FAM228B: variants seen among roughly 807,000 people sequenced by gnomAD.
FAM228B encodes the protein protein FAM228B.
A neutral mutation model predicts 42.6 loss-of-function variants in FAM228B; 38 were observed. The ratio of observed to expected loss-of-function variants is 0.89; its 90% CI spans 0.69 to 1.17. The LOEUF is 1.17. FAM228B is among the 50% of genes most tolerant of loss of function. FAM228B has a pLI of 0.00. For missense variants in FAM228B, 344 were observed against 367.3 expected (o/e 0.94, Z 0.52); for synonymous variants, 109 against 122.3 (o/e 0.89, Z 0.72).
chr2:24,146,660 C>T (rs1207220524), intron 5 of FAM228B, 88 bp from the exon 6 acceptor site: 1 of 759,690 alleles, frequency 1.3e-6, no homozygotes, highest in Non-Finnish European at 2.1e-6. Flanking sequence ...GGCATAAGAG[C>T]CATCCATATG....
intron 7 of FAM228B, among the ~76,000 whole-genome samples, chr2:24,155,889 T>C (rs1268378564): frequency 6.6e-6 from 1 of 152,150 alleles, no homozygotes; most frequent in Non-Finnish European, 1.5e-5. Flanking sequence ...ATATATCCTA[T>C]AGAGGAACAG....
intron 4 of FAM228B, 71 bp from the exon 5 acceptor site, chr2:24,139,299 C>T (rs958597450): frequency 2.3e-6 from 2 of 855,744 alleles, no homozygotes; most frequent in Non-Finnish European, 3.6e-6. Flanking sequence ...GTTTGACTCT[C>T]AAGTCCTGAT....
chr2:24,147,036 G>T lies in FAM228B; in HGVS notation c.636G>T (p.Trp212Cys). ...NSRHFITPNE[W>C]LKLPTRYIES... ...GGCACTTTATAACTCCAAACGAGTG[G>T]CTGAAACTGCCTACAAGATACATAG... Residue 212 changes from tryptophan (W) to cysteine (C), a missense_variant, in exon 7 of 11, where the codon TGG becomes TGT. Transcript: ENST00000615575. 1 of 1,551,298 alleles carries T rather than the reference G, an allele frequency of 6.4e-7. No homozygotes were observed. The highest frequency in any genetic ancestry group is 8.7e-7 in the Non-Finnish European group (1 of 1,146,798).
At chr2:24,109,364 GC>G (rs1558373453) in intron 3 of FAM228B, among the ~76,000 whole-genome samples, 1 of 152,088 alleles carries the variant, frequency 6.6e-6, no homozygotes, top group Non-Finnish European at 1.5e-5. Flanking sequence ...CCTAGGACAT[GC>G]CATTCTGGAC....
chr2:24,089,966 TAAAAAAAAAGAAAAAA>T (rs1186711532), intron 2 of FAM228B, among the ~76,000 whole-genome samples: 15 of 21,290 alleles, frequency 7.0e-4, no homozygotes, highest in African/African-American at 2.6e-3. Flanking sequence ...AAACTCCGTC[TAAAAAAAAAGAAAAAA>T]AAAAAAAAAC....
chr2:24,165,453 C>T (rs1409170195), intron 9 of FAM228B: 2 of 471,132 alleles, frequency 4.2e-6, no homozygotes, highest in Non-Finnish European at 8.8e-6. Flanking sequence ...TGTCAGTCCC[C>T]TACGTGATCT....
chr2:24,087,074 A>C (rs945880606), intron 2 of FAM228B, among the ~76,000 whole-genome samples: 18 of 152,206 alleles, frequency 1.2e-4, no homozygotes. Context: ...AGTATACTAA[A>C]GTATCCCAGT....
At chr2:24,099,980 C>T (rs1316682250) in intron 3 of FAM228B, among the ~76,000 whole-genome samples, 2 of 152,184 alleles carry the variant, frequency 1.3e-5, no homozygotes, top group South Asian at 2.1e-4. Flanking sequence ...CTACAACCAT[C>T]TGATCTTTGA....
chr2:24,078,560 GAA>G (rs1304385028), intron 1 of FAM228B, among the ~76,000 whole-genome samples: 1 of 151,316 alleles, frequency 6.6e-6, no homozygotes, highest in African/African-American at 2.4e-5. Flanking sequence ...AGAGCCAGCT[GAA>G]GAGACCACAT....
intron 7 of FAM228B, among the ~76,000 whole-genome samples, chr2:24,152,141 TTA>T (rs1223456281): frequency 6.6e-6 from 1 of 152,120 alleles, no homozygotes; most frequent in Non-Finnish European, 1.5e-5. Flanking sequence ...AGTGCTGGGA[TTA>T]CAGGCATGAG....
intron 2 of FAM228B, chr2:24,085,745 C>T (rs1006455946): frequency 6.6e-6 from 1 of 152,226 alleles, no homozygotes; most frequent in Non-Finnish European, 1.5e-5. Context: ...CCCAACCTGT[C>T]TCCTCCACTG....
chr2:24,128,089 T>C (rs558056509), intron 2 of FAM228B, among the ~76,000 whole-genome samples: 3 of 152,362 alleles, frequency 2.0e-5, no homozygotes, highest in African/African-American at 7.2e-5. Context: ...TTTTCCCCCG[T>C]GCATTTCATT....
chr2:24,084,226 A>G lies in FAM228B; in HGVS notation c.-210+3271A>G, dbSNP rs757588626. On this transcript the variant is annotated intron_variant, in intron 2 of 10. Transcript: ENST00000613899. The surrounding 1 kb of genome is among the most constrained non-coding windows in gnomAD (Gnocchi z 8.4). ...CGCCCGGTTCAGGGCGCTGGCCGCCACCTTCAGGAGGACTTCACCCTCCCC... is the reference window on the plus strand; with the variant it reads ...CGCCCGGTTCAGGGCGCTGGCCGCCGCCTTCAGGAGGACTTCACCCTCCCC... 3.7e-6 allele frequency: 6 copies of G among 1,613,806 alleles called. No individual in the cohort carries two copies. The highest frequency in any genetic ancestry group is 1.3e-5 in the African/African-American group (1 of 74,914).
intron 3 of FAM228B, among the ~76,000 whole-genome samples, chr2:24,107,979 C>T (rs768673491): frequency 1.8e-4 from 28 of 152,048 alleles, no homozygotes; most frequent in Non-Finnish European, 2.9e-4. Context: ...ATCAACAAAT[C>T]CAGAAATCGG....
At chr2:24,133,264 A>T (rs894658854) in intron 2 of FAM228B, among the ~76,000 whole-genome samples, 1 of 151,474 alleles carries the variant, frequency 6.6e-6, no homozygotes, top group East Asian at 1.9e-4. Flanking sequence ...GTTGTTTTTT[A>T]TATTTTTTAT....
At chr2:24,165,253 G>T in intron 9 of FAM228B, 2 of 366,196 alleles carry the variant, frequency 5.5e-6, no homozygotes, top group Non-Finnish European at 5.9e-6. Context: ...AAGTTTGCAG[G>T]GCTTGTACTG....
intron 5 of FAM228B, among the ~76,000 whole-genome samples, chr2:24,143,495 C>G (rs1222483936): frequency 5.3e-5 from 8 of 152,138 alleles, no homozygotes; most frequent in Non-Finnish European, 1.2e-4. Context: ...TGCCTGGCCA[C>G]TCCTACTTTT....
chr2:24,139,186 A>C (rs952432731), intron 4 of FAM228B, among the ~76,000 whole-genome samples, 184 bp from the exon 5 acceptor site: 2 of 152,116 alleles, frequency 1.3e-5, no homozygotes, highest in Non-Finnish European at 2.9e-5. Flanking sequence ...TCCTTCCTTC[A>C]CTATACCTGA....
intron 2 of FAM228B, among the ~76,000 whole-genome samples, chr2:24,134,019 A>ATTTG: frequency 6.6e-6 from 1 of 152,308 alleles, no homozygotes. Flanking sequence ...TGTCTAAGAA[A>ATTTG]TTTGTTTCAG....
Sources: gnomAD v4.1 joint callset for allele counts (sites outside exome capture counted in the v4.1 genomes callset) on GRCh38, gnomAD v4.1.1 for gene constraint, Gnocchi (gnomAD v3.1) non-coding constraint, MANE v1.5 for transcripts, NCBI Gene and HGNC (gene_info 2026-07-23, HGNC 2026-07-21) for gene names.